Variants in CORIN observed in about 807,000 individuals in gnomAD.
CORIN encodes the protein atrial natriuretic peptide-converting enzyme.
A neutral mutation model predicts 125.3 loss-of-function variants in CORIN; 117 were observed. The ratio of observed to expected loss-of-function variants is 0.93; its 90% CI spans 0.80 to 1.09. The LOEUF is 1.09. Among genes scored for constraint, CORIN ranks in the 50% least tolerant of loss-of-function variants. CORIN has a pLI of 0.00. For missense variants in CORIN, 1,253 were observed against 1,306.7 expected, an observed-to-expected ratio of 0.96 and a Z score of 0.63; for synonymous variants, 450 against 466.4, an observed-to-expected ratio of 0.96 and a Z score of 0.45.
chr4:47,628,631 C>T (rs1321594486), intron 16 of CORIN, among the ~76,000 whole-genome samples: 1 of 152,154 alleles, frequency 6.6e-6, no homozygotes, highest in African/African-American at 2.4e-5. Flanking sequence ...TCTCCATCCC[C>T]TAGTTTTTGG....
chr4:47,733,135 T>C (rs191058551), intron 5 of CORIN, among the ~76,000 whole-genome samples: 59 of 151,104 alleles, frequency 3.9e-4, no homozygotes, highest in African/African-American at 1.3e-3. Context: ...ACAGGGCATG[T>C]GGCTTCTCTC....
At chr4:47,694,325 C>T (rs533973083) in intron 5 of CORIN, among the ~76,000 whole-genome samples, 1 of 152,230 alleles carries the variant, frequency 6.6e-6, no homozygotes, top group African/African-American at 2.4e-5. Context: ...TACAAATTTT[C>T]TTACAATGAT....
intron 5 of CORIN, among the ~76,000 whole-genome samples, chr4:47,739,155 T>C (rs1560527185): frequency 6.6e-6 from 1 of 151,930 alleles, no homozygotes; most frequent in Non-Finnish European, 1.5e-5. Context: ...ATATAATAGC[T>C]GAAAACTTCT....
At chr4:47,629,814 T>C (rs1722735969) in intron 16 of CORIN, among the ~76,000 whole-genome samples, 1 of 152,190 alleles carries the variant, frequency 6.6e-6, no homozygotes, top group Non-Finnish European at 1.5e-5. Context: ...CTAACTTGTT[T>C]TATTTAATCA....
At chr4:47,691,390 G>A (rs1325753050) in intron 6 of CORIN, among the ~76,000 whole-genome samples, 1 of 152,186 alleles carries the variant, frequency 6.6e-6, no homozygotes, top group Non-Finnish European at 1.5e-5. Flanking sequence ...ACTTCCCAGT[G>A]TAAATACACA....
intron 5 of CORIN, among the ~76,000 whole-genome samples, chr4:47,713,718 C>T (rs1171628436): frequency 6.6e-6 from 1 of 152,080 alleles, no homozygotes; most frequent in African/African-American, 2.4e-5. Flanking sequence ...GTAACTGTAC[C>T]CCTCCACATT....
At chr4:47,789,864 C>CA (rs894735530) in intron 2 of CORIN, among the ~76,000 whole-genome samples, 8 of 151,586 alleles carry the variant, frequency 5.3e-5, no homozygotes, top group South Asian at 2.1e-4. Flanking sequence ...ACTAAAAATA[C>CA]AAAAAAAATT....
intron 1 of CORIN, among the ~76,000 whole-genome samples, chr4:47,834,717 G>T (rs1334737137): frequency 6.6e-6 from 1 of 152,086 alleles, no homozygotes; most frequent in Non-Finnish European, 1.5e-5. Context: ...ATGTATACTT[G>T]TTTCCAAACC....
chr4:47,680,291 A>G lies in CORIN; in HGVS notation c.1022-40T>C, dbSNP rs371764334. The G allele has an allele frequency of 2.1e-6, 3 of 1,444,420 alleles. No homozygotes were observed. The African/African-American group carries it at 4.2e-5, about 20-fold the overall frequency. The allele number at this position is 1,444,420 out of a possible 1,614,324, so 89.5% of individuals were successfully genotyped here. Reference sequence around the variant, plus strand: ...ACTCACGAGGATGCAGAGAACCAGCATGACTAACAGGCAGGATTCTATGGC... The same window carrying G: ...ACTCACGAGGATGCAGAGAACCAGCGTGACTAACAGGCAGGATTCTATGGC... On this transcript the variant is annotated intron_variant, in intron 7 of 21. Coordinates refer to ENST00000273857, the MANE Select transcript of CORIN (RefSeq NM_006587.4).
chr4:47,752,128 GT>G (rs1241693170), intron 4 of CORIN, among the ~76,000 whole-genome samples: 2 of 152,140 alleles, frequency 1.3e-5, no homozygotes, highest in Non-Finnish European at 2.9e-5. Context: ...TTCGCAGTGA[GT>G]TTTCCTGAAC....
intron 9 of CORIN, among the ~76,000 whole-genome samples, chr4:47,677,266 C>T (rs149716553): frequency 6.6e-6 from 1 of 152,248 alleles, no homozygotes; most frequent in East Asian, 1.9e-4. Context: ...AAGTAGCAGA[C>T]CGAGGCTTGA....
intron 3 of CORIN, 115 bp from the exon 4 acceptor site, chr4:47,763,701 A>G: frequency 1.3e-6 from 1 of 778,290 alleles, no homozygotes; most frequent in East Asian, 2.7e-5. Flanking sequence ...AAAAATTTAG[A>G]TATGCAATCA....
intron 4 of CORIN, among the ~76,000 whole-genome samples, chr4:47,759,435 T>C (rs1454013742): frequency 6.6e-6 from 1 of 152,076 alleles, no homozygotes; most frequent in East Asian, 1.9e-4. Flanking sequence ...ACCTATGGAA[T>C]GGGAGAAAAT....
intron 16 of CORIN, among the ~76,000 whole-genome samples, chr4:47,630,652 TTATA>T (rs1216187672): frequency 1.3e-5 from 2 of 152,198 alleles, no homozygotes; most frequent in African/African-American, 4.8e-5. Flanking sequence ...TATTTAGAAG[TTATA>T]AATCAAGTTA....
intron 3 of CORIN, among the ~76,000 whole-genome samples, chr4:47,779,086 A>T (rs974415303): frequency 6.6e-6 from 1 of 152,260 alleles, no homozygotes; most frequent in Admixed American, 6.5e-5. Flanking sequence ...CAACAACTAT[A>T]GAAAAAATTA....
At chr4:47,803,462 A>G (rs548451860) in intron 2 of CORIN, among the ~76,000 whole-genome samples, 1 of 152,370 alleles carries the variant, frequency 6.6e-6, no homozygotes, top group African/African-American at 2.4e-5. Flanking sequence ...ATAATACTAC[A>G]GAGCTATAGT....
At chr4:47,673,041 C>T (rs938134538) in intron 10 of CORIN, among the ~76,000 whole-genome samples, 1 of 152,094 alleles carries the variant, frequency 6.6e-6, no homozygotes, top group Non-Finnish European at 1.5e-5. Flanking sequence ...TTCCAAGGGC[C>T]TTAGACTGAG....
intron 6 of CORIN, among the ~76,000 whole-genome samples, chr4:47,687,884 C>T (rs1338204733): frequency 6.6e-6 from 1 of 152,174 alleles, no homozygotes; most frequent in African/African-American, 2.4e-5. Context: ...CTACTATTGG[C>T]TTCCAGCTCT....
chr4:47,626,971 G>GGTT lies in CORIN; in HGVS notation c.2199-453_2199-451dup, dbSNP rs111543039. ...GAATTGTAATATTTCTATGTTTGTA[G>GGTT]GTTGTTGTTGTTGTTGTTGTTGTTT... is the stretch of plus-strand genomic sequence containing the variant. On this transcript the variant is annotated intron_variant, in intron 16 of 21. Transcript: ENST00000273857. Among the ~76,000 whole-genome samples the GGTT allele has an allele frequency of 4.2e-3, 638 of 151,298 alleles. 14 individuals carry two copies. The highest frequency in any genetic ancestry group is 0.014 in the African/African-American group (574 of 41,228).
Sources: gnomAD v4.1 joint callset for allele counts (sites outside exome capture counted in the v4.1 genomes callset) on GRCh38, gnomAD v4.1.1 for gene constraint, MANE v1.5 for transcripts, NCBI Gene and HGNC (gene_info 2026-07-23, HGNC 2026-07-21) for gene names.